LRRC7: variants seen among roughly 807,000 people sequenced by gnomAD.
LRRC7 encodes the protein leucine rich repeat containing 7, also known as leucine-rich repeat-containing protein 7.
Under a neutral mutation model 175.7 loss-of-function variants are expected in LRRC7, and 23 were observed. The observed-to-expected ratio is 0.13, with a 90% CI of 0.09 to 0.19. The LOEUF (loss-of-function observed/expected upper bound fraction) is 0.19, where lower values mean the gene tolerates loss of function less well. Among genes scored for constraint, LRRC7 ranks in the 10% least tolerant of loss-of-function variants. The pLI is 1.00. For synonymous variants in LRRC7, 685 were observed against 680.9 expected (o/e 1.01, Z -0.09); for missense variants, 1,354 against 1,904.7 (o/e 0.71, Z 5.38).
intron 3 of LRRC7, 61 bp downstream of exon 3, chr1:69,760,454 T>G: frequency 1.4e-6 from 2 of 1,391,556 alleles, no homozygotes; most frequent in Admixed American, 3.5e-5. Flanking sequence ...TTCAAATACT[T>G]TATTATAATG....
chr1:70,075,631 TC>T (rs1662717442), intron 23 of LRRC7, among the ~76,000 whole-genome samples: 1 of 152,232 alleles, frequency 6.6e-6, no homozygotes, highest in South Asian at 2.1e-4. Flanking sequence ...GTTTTACTCA[TC>T]TGAACAAACT....
chr1:69,661,165 AAG>A (rs1491058099), intron 1 of LRRC7, among the ~76,000 whole-genome samples: 17 of 150,170 alleles, frequency 1.1e-4, no homozygotes, highest in Non-Finnish European at 1.9e-4. Context: ...TTAGAAAAAA[AAG>A]AACAAAGATT....
intron 8 of LRRC7, among the ~76,000 whole-genome samples, chr1:69,946,353 GA>G (rs899032250): frequency 2.6e-5 from 4 of 152,142 alleles, no homozygotes; most frequent in African/African-American, 9.7e-5. Context: ...GTGCACTTGA[GA>G]AAAATGTTTA....
At chr1:69,760,605 T>G (rs1670932610) in intron 3 of LRRC7, among the ~76,000 whole-genome samples, 1 of 152,006 alleles carries the variant, frequency 6.6e-6, no homozygotes, top group Admixed American at 6.6e-5. Flanking sequence ...TTGAGCTCTA[T>G]GGAAACCACC....
intron 18 of LRRC7, among the ~76,000 whole-genome samples, chr1:70,032,495 C>T (rs1022498701): frequency 6.6e-6 from 1 of 152,070 alleles, no homozygotes; most frequent in Non-Finnish European, 1.5e-5. Context: ...AAATAATTCC[C>T]TCTTCTTTTT....
At chr1:69,697,576 A>G (rs140942195) in intron 2 of LRRC7, among the ~76,000 whole-genome samples, 131 of 152,278 alleles carry the variant, frequency 8.6e-4, no homozygotes, top group African/African-American at 2.8e-3. Context: ...GCCAGTATCT[A>G]CTCAGGCCAG....
intron 3 of LRRC7, among the ~76,000 whole-genome samples, chr1:69,764,055 A>C (rs1671335162): frequency 6.6e-6 from 1 of 152,044 alleles, no homozygotes; most frequent in Admixed American, 6.6e-5. Context: ...GTGTGTCAGA[A>C]AAGATACAAT....
chr1:69,848,613 A>T (rs545448082), intron 7 of LRRC7, among the ~76,000 whole-genome samples: 2 of 152,214 alleles, frequency 1.3e-5, no homozygotes, highest in Admixed American at 1.3e-4. Flanking sequence ...GCTGAAATGT[A>T]TCTAACTCTC....
At chr1:69,859,688 G>C (rs142622056) in intron 7 of LRRC7, among the ~76,000 whole-genome samples, 1 of 151,824 alleles carries the variant, frequency 6.6e-6, no homozygotes. Flanking sequence ...AAATTTAAAC[G>C]TTAACCTTTC....
rs1249421280 is a variant in LRRC7, at chr1:69,843,948, T to C, written c.647+5665T>C. ...ACAAAATTTGGGTTTGAAGATTAGATGGTAGTAATATATCACTATTAATTT... is the reference window on the plus strand; with the variant it reads ...ACAAAATTTGGGTTTGAAGATTAGACGGTAGTAATATATCACTATTAATTT... On this transcript the variant is annotated intron_variant, in intron 7 of 26. Transcript: ENST00000651989. 3.9e-5 allele frequency among the ~76,000 whole-genome samples: 6 copies of C among 152,232 alleles called. No individual in the cohort carries two copies. The Middle Eastern group carries it at 0.014, about 345-fold the overall frequency.
rs763113979 is a variant in LRRC7, at chr1:70,023,146, C to G, written c.1566C>G (p.Pro522=). 1 of 1,444,416 alleles carries G rather than the reference C, an allele frequency of 6.9e-7. No individual in the cohort carries two copies. The highest frequency in any genetic ancestry group is 9.2e-7 in the Non-Finnish European group (1 of 1,082,634). The allele number at this position is 1,444,416 out of a possible 1,614,324, so 89.5% of individuals were successfully genotyped here. ...GKVKDLSCQA[P]WERGQRGITL... ...CACAGGATCTCTCCTGCCAAGCCCCCTGGGAAAGGGGCCAGCGTGGGATTA... is the reference window on the plus strand; with the variant it reads ...CACAGGATCTCTCCTGCCAAGCCCCGTGGGAAAGGGGCCAGCGTGGGATTA... The change falls in exon 17 of 27, where the codon CCC becomes CCG. Residue 522 remains proline (P), a synonymous_variant. Transcript: ENST00000651989.
In LRRC7 at chr1:70,129,954, T is replaced by A. The variant is rs950278209; in HGVS notation, c.*8067T>A. On this transcript the variant is annotated 3_prime_UTR_variant, in exon 27 of 27. Coordinates refer to ENST00000651989, the MANE Select transcript of LRRC7 (RefSeq NM_001370785.2). ...TATATTTCAGCTTTTGCCCACACTA[T>A]CCCTCTACTGGAATGCCTTCCTCTC... is the stretch of plus-strand genomic sequence containing the variant. 6.6e-6 allele frequency among the ~76,000 whole-genome samples: 1 copy of A among 152,186 alleles called. No homozygotes were observed. The highest frequency in any genetic ancestry group is 1.5e-5 in the Non-Finnish European group (1 of 68,032).
intron 2 of LRRC7, among the ~76,000 whole-genome samples, chr1:69,723,896 C>T (rs1405036056): frequency 6.6e-6 from 1 of 151,782 alleles, no homozygotes; most frequent in African/African-American, 2.4e-5. Flanking sequence ...GTCATGAATT[C>T]AATATCTCCC....
chr1:69,947,912 ATC>A (rs143458771), intron 8 of LRRC7, among the ~76,000 whole-genome samples: 8 of 151,874 alleles, frequency 5.3e-5, no homozygotes, highest in Admixed American at 1.3e-4. Flanking sequence ...TGCAAATGTG[ATC>A]TCTCTCTCTC....
At position 69,766,035 on chromosome 1, in the gene LRRC7, C is replaced by CA. The variant is rs34620947; in HGVS notation, c.303+5655dup. 5.5e-3 allele frequency among the ~76,000 whole-genome samples: 715 copies of CA among 129,284 alleles called. 4 individuals are homozygous for CA. Among genetic ancestry groups the CA allele is most frequent in the East Asian group, 0.017 (76 of 4,408 alleles). 84.8% of individuals were successfully genotyped at this position (129,284 alleles called of 152,430 possible). A position where few individuals can be genotyped will look rare whatever the true frequency, so the allele number is the denominator to read the frequency against. The stretch of plus-strand genomic sequence containing the variant: ...AAGAAGTGAGTTAAAATCAACAGAC[C>CA]AAAAAAAAAAAAATGTCCTTAGAAA... On this transcript the variant is annotated intron_variant, in intron 3 of 26. Transcript: ENST00000651989.
At chr1:69,722,151 A>AT (rs1557648760) in intron 2 of LRRC7, among the ~76,000 whole-genome samples, 1 of 151,910 alleles carries the variant, frequency 6.6e-6, no homozygotes, top group Non-Finnish European at 1.5e-5. Context: ...ATATATATAT[A>AT]TATTTTCTCC....
chr1:69,870,071 A>T (rs2101574837), intron 7 of LRRC7, among the ~76,000 whole-genome samples: 1 of 152,256 alleles, frequency 6.6e-6, no homozygotes, highest in African/African-American at 2.4e-5. Context: ...TTACCAAAGC[A>T]GGTGTGATAA....
intron 3 of LRRC7, among the ~76,000 whole-genome samples, chr1:69,787,967 GCCTTCCTTCCTTCTTTCCT>G (rs1385720898): frequency 6.6e-6 from 1 of 150,958 alleles, no homozygotes; most frequent in Non-Finnish European, 1.5e-5. Flanking sequence ...CCTCCTGCCT[GCCTTCCTTCCTTCTTTCCT>G]CCTTCCTTCC....
intron 2 of LRRC7, among the ~76,000 whole-genome samples, chr1:69,718,752 T>G (rs1468298594): frequency 6.6e-6 from 1 of 151,758 alleles, no homozygotes; most frequent in Non-Finnish European, 1.5e-5. Context: ...TGACTTCCAG[T>G]GTCTGTTTTG....
Sources: allele counts gnomAD v4.1 joint callset (sites outside exome capture counted in the v4.1 genomes callset), GRCh38; gene constraint gnomAD v4.1.1; transcripts MANE v1.5; gene names NCBI Gene and HGNC (gene_info 2026-07-23, HGNC 2026-07-21).